The following PKHD1 variants were observed in gnomAD, a reference collection of about 807,000 sequenced individuals.
The protein encoded by PKHD1 is fibrocystin.
A neutral mutation model predicts 412.0 loss-of-function variants in PKHD1; 291 were observed. That is an observed-to-expected ratio of 0.71 (90% confidence interval 0.64 to 0.78). The LOEUF (loss-of-function observed/expected upper bound fraction) is 0.78, where lower values mean the gene tolerates loss of function less well. Among genes scored for constraint, PKHD1 ranks in the 30% least tolerant of loss-of-function variants. The pLI is 0.00. For synonymous variants in PKHD1, 1,777 were observed against 1,821.5 expected (o/e 0.98, Z 0.62); for missense variants, 4,825 against 4,950.7 (o/e 0.97, Z 0.76).
At chr6:52,029,362 T>C (rs1385787492) in intron 29 of PKHD1, among the ~76,000 whole-genome samples, 1 of 152,212 alleles carries the variant, frequency 6.6e-6, no homozygotes, top group Non-Finnish European at 1.5e-5. Flanking sequence ...CAAATATTTA[T>C]TGAGTACCAT....
intron 27 of PKHD1, among the ~76,000 whole-genome samples, chr6:52,036,962 A>T (rs1804050793): frequency 6.6e-6 from 1 of 152,210 alleles, no homozygotes; most frequent in Non-Finnish European, 1.5e-5. Context: ...AATGAAAAAT[A>T]AACAAGAATA....
intron 5 of PKHD1, among the ~76,000 whole-genome samples, chr6:52,076,792 C>T (rs1811389200): frequency 6.6e-6 from 1 of 152,122 alleles, no homozygotes; most frequent in African/African-American, 2.4e-5. Context: ...AACTTCAAAT[C>T]ATTATCAGCC....
chr6:51,619,482 A>C lies in PKHD1; in HGVS notation c.11824T>G (p.Cys3942Gly), dbSNP rs760656499. Residue 3942 changes from cysteine to glycine, a missense_variant, in exon 67 of 67, where the codon TGC (cysteine) becomes GGC (glycine). By Grantham distance (159) the Cys-to-Gly change is radical (BLOSUM62 -3). Transcript: ENST00000371117. ...MKVMLGKVNQ[C>G]PHQLMNGVSR... ...ACTCCATTCATCAACTGGTGGGGGC[A>C]CTGGTTCACCTTGCCCAGCATGACC... The C allele has an allele frequency of 6.2e-7, 1 of 1,614,056 alleles. No homozygotes were observed. The highest frequency in any genetic ancestry group is 1.3e-5 in the African/African-American group (1 of 74,944).
rs9349614 is a variant in PKHD1, at chr6:52,017,277, C to G, written c.5600+133G>C. ...CTGGCTGGAATCCACAATGGAATGGCCCCTCCAAGAGAGTTGTAGCCCTTA... is the reference window on the plus strand; with the variant it reads ...CTGGCTGGAATCCACAATGGAATGGGCCCTCCAAGAGAGTTGTAGCCCTTA... On this transcript the variant is annotated intron_variant, in intron 34 of 66. Transcript: ENST00000371117. 370,284 of 732,348 alleles carry G rather than the reference C, an allele frequency of 0.51. 98,204 individuals are homozygous for G. The highest frequency in any genetic ancestry group is 0.62 in the Admixed American group (31,864 of 51,232). 45.4% of individuals were successfully genotyped at this position (732,348 alleles called of 1,614,324 possible).
chr6:51,767,198 C>T (rs1399744175), intron 55 of PKHD1, among the ~76,000 whole-genome samples: 4 of 151,736 alleles, frequency 2.6e-5, no homozygotes, highest in Non-Finnish European at 4.4e-5. Flanking sequence ...CAACAGATTA[C>T]TCATATTAGA....
chr6:51,821,540 T>G (rs1308368794), intron 52 of PKHD1, among the ~76,000 whole-genome samples: 1 of 152,216 alleles, frequency 6.6e-6, no homozygotes, highest in Non-Finnish European at 1.5e-5. Context: ...TAGAGTAATG[T>G]TGCCTGTTTT....
rs746727562 is a variant in PKHD1, at chr6:51,627,165, G to T, written c.11666-49C>A. 25 of 1,514,802 alleles carry T rather than the reference G, an allele frequency of 1.7e-5. No homozygotes were observed. The East Asian group carries it at 5.6e-4, about 34-fold the overall frequency. 93.8% of individuals were successfully genotyped at this position (1,514,802 alleles called of 1,614,324 possible). On this transcript the variant is annotated intron_variant, in intron 65 of 66. Transcript: ENST00000371117. ...GATTTTTTTGTTCAGTTGTAAGTGGGACCATCAGCATTTAGGTGTTTCCCT... is the reference window on the plus strand; with the variant it reads ...GATTTTTTTGTTCAGTTGTAAGTGGTACCATCAGCATTTAGGTGTTTCCCT...
intron 60 of PKHD1, among the ~76,000 whole-genome samples, chr6:51,666,765 A>G (rs1453921465): frequency 6.9e-6 from 1 of 144,588 alleles, no homozygotes; most frequent in African/African-American, 2.6e-5. Context: ...TCATTGTTCA[A>G]TTCCCACCTA....
chr6:52,075,762 G>C (rs933582103), intron 6 of PKHD1, among the ~76,000 whole-genome samples: 1 of 152,138 alleles, frequency 6.6e-6, no homozygotes, highest in Admixed American at 6.6e-5. Flanking sequence ...CTGGCTGTCT[G>C]GTTCAAATCT....
At chr6:52,036,237 C>T (rs1803930216) in intron 27 of PKHD1, among the ~76,000 whole-genome samples, 1 of 152,136 alleles carries the variant, frequency 6.6e-6, no homozygotes, top group African/African-American at 2.4e-5. Flanking sequence ...TTAGCCCTTC[C>T]AGCTTTGTGG....
chr6:51,854,278 G>T (rs991266286), intron 49 of PKHD1, among the ~76,000 whole-genome samples: 9 of 152,080 alleles, frequency 5.9e-5, no homozygotes, highest in Non-Finnish European at 1.0e-4. Context: ...AAGGAGACAG[G>T]AGTGCAGCAA....
chr6:51,763,348 C>A (rs937724785), intron 55 of PKHD1, among the ~76,000 whole-genome samples: 33 of 152,176 alleles, frequency 2.2e-4, no homozygotes, highest in Admixed American at 5.9e-4. Context: ...TAAATGGTAG[C>A]TAGTTAATGA....
At chr6:52,011,341 C>T (rs1799795031) in intron 34 of PKHD1, among the ~76,000 whole-genome samples, 1 of 152,188 alleles carries the variant, frequency 6.6e-6, no homozygotes, top group Non-Finnish European at 1.5e-5. Context: ...AATAATAATG[C>T]ATGATGTTTC....
At chr6:51,748,696 T>C in intron 57 of PKHD1, 31 bp from the exon 58 acceptor site, 1 of 1,606,740 alleles carries the variant, frequency 6.2e-7, no homozygotes, top group Non-Finnish European at 8.5e-7. Flanking sequence ...TCAGGTACTT[T>C]CCTCTTCCCC....
At chr6:51,886,654 T>C (rs1778264936) in intron 44 of PKHD1, among the ~76,000 whole-genome samples, 1 of 151,818 alleles carries the variant, frequency 6.6e-6, no homozygotes, top group African/African-American at 2.4e-5. Context: ...GAGGGGAAAA[T>C]GGGAAGTATT....
At chr6:51,698,242 C>A (rs1050212954) in intron 60 of PKHD1, among the ~76,000 whole-genome samples, 2 of 152,246 alleles carry the variant, frequency 1.3e-5, no homozygotes, top group Middle Eastern at 6.8e-3. Context: ...TATTCCCATT[C>A]GTACAGACTC....
intron 37 of PKHD1, among the ~76,000 whole-genome samples, chr6:51,914,532 C>A (rs984858608): frequency 2.0e-5 from 3 of 152,048 alleles, no homozygotes; most frequent in Non-Finnish European, 2.9e-5. Context: ...CTGAGCTAGA[C>A]CCTCTTGCAA....
chr6:51,648,473 T>G (rs565739566), intron 62 of PKHD1, among the ~76,000 whole-genome samples: 1 of 152,160 alleles, frequency 6.6e-6, no homozygotes, highest in African/African-American at 2.4e-5. Flanking sequence ...CACATCAAAG[T>G]TGACAGGTTT....
At chr6:51,797,194 T>C (rs1293766248) in intron 52 of PKHD1, among the ~76,000 whole-genome samples, 1 of 152,156 alleles carries the variant, frequency 6.6e-6, no homozygotes, top group African/African-American at 2.4e-5. Context: ...TTCTTCTGCA[T>C]TTGCTGAGAG....
Sources: allele counts gnomAD v4.1 joint callset (sites outside exome capture counted in the v4.1 genomes callset), GRCh38; gene constraint gnomAD v4.1.1; transcripts MANE v1.5; gene names NCBI Gene and HGNC (gene_info 2026-07-23, HGNC 2026-07-21).